Variants in SYT16 observed in about 807,000 individuals in gnomAD.
SYT16 encodes the protein synaptotagmin-16.
SYT16 carries 42 observed loss-of-function variants against 61.4 expected under a neutral mutation model. The ratio of observed to expected loss-of-function variants is 0.68; its 90% CI spans 0.53 to 0.89. The LOEUF is 0.89. SYT16 is among the 40% of genes least tolerant of loss of function. SYT16 has a pLI of 0.00. For missense variants in SYT16, 804 were observed against 807.3 expected (o/e 1.00, Z 0.05); for synonymous variants, 314 against 302.3 (o/e 1.04, Z -0.40).
At chr14:61,858,120 CA>C (rs34781118) in intron 1 of SYT16, among the ~76,000 whole-genome samples, 326 of 43,228 alleles carry the variant, frequency 7.5e-3, no homozygotes, top group African/African-American at 0.013. Context: ...CACAGCTTGG[CA>C]AAAAAAAAAA....
At chr14:61,935,255 T>C (rs1469227543) in intron 1 of SYT16, among the ~76,000 whole-genome samples, 1 of 152,184 alleles carries the variant, frequency 6.6e-6, no homozygotes, top group African/African-American at 2.4e-5. Context: ...CCTGCGGTGA[T>C]TGAAGCTGAT....
chr14:61,856,386 CTTATCTCCAATA>C (rs1293553465), intron 1 of SYT16, among the ~76,000 whole-genome samples: 1 of 152,174 alleles, frequency 6.6e-6, no homozygotes, highest in Non-Finnish European at 1.5e-5. Flanking sequence ...TATACACACA[CTTATCTCCAATA>C]TAATATTTTA....
chr14:61,860,804 G>A (rs1189215801), intron 1 of SYT16, among the ~76,000 whole-genome samples: 1 of 152,132 alleles, frequency 6.6e-6, no homozygotes, highest in Non-Finnish European at 1.5e-5. Flanking sequence ...TTTTTCTCCA[G>A]CCTTGTTTAG....
intron 1 of SYT16, among the ~76,000 whole-genome samples, chr14:61,950,805 G>A (rs899076578): frequency 5.9e-5 from 9 of 152,058 alleles, no homozygotes; most frequent in African/African-American, 2.2e-4. Flanking sequence ...GTCTTTTTTT[G>A]TAATTAAAAA....
intron 3 of SYT16, among the ~76,000 whole-genome samples, chr14:62,050,322 T>A (rs1437575803): frequency 6.6e-6 from 1 of 152,232 alleles, no homozygotes; most frequent in Admixed American, 6.5e-5. Flanking sequence ...TTCAGCTCCA[T>A]CAGGTCTTTT....
intron 3 of SYT16, among the ~76,000 whole-genome samples, chr14:62,063,513 T>C (rs563378004): frequency 1.3e-5 from 2 of 152,296 alleles, no homozygotes; most frequent in South Asian, 2.1e-4. Context: ...AGGAACTTGC[T>C]TAGGTCCCAG....
chr14:62,046,654 T>G (rs2055001331), intron 3 of SYT16, among the ~76,000 whole-genome samples: 2 of 152,246 alleles, frequency 1.3e-5, no homozygotes, highest in Non-Finnish European at 2.9e-5. Flanking sequence ...AGGGATCCAG[T>G]TTCAGCTTTC....
rs1555353030 is a variant in SYT16, at chr14:61,891,242, G to GCGCACA, written c.-325+78433_-325+78434insGCACAC. ...TGTGTGCACGTGCATACACACACGC[G>GCGCACA]CACACACACACACACACACACACAC... On this transcript the variant is annotated intron_variant, in intron 1 of 7. Transcript: ENST00000683842. Among the ~76,000 whole-genome samples, 580 of 147,894 alleles carry GCGCACA rather than the reference G, an allele frequency of 3.9e-3. 7 individuals are homozygous for GCGCACA. The highest frequency in any genetic ancestry group is 8.6e-3 in the African/African-American group (343 of 39,970).
intron 1 of SYT16, among the ~76,000 whole-genome samples, chr14:61,945,717 G>T (rs570193456): frequency 4.1e-4 from 63 of 152,068 alleles, no homozygotes; most frequent in African/African-American, 1.5e-3. Context: ...TTAGCCGGGC[G>T]TGGTGGCGGG....
rs367570950 is a variant in SYT16, at chr14:62,080,828, C to T, written c.994-6C>T. 1.6e-5 allele frequency: 25 copies of T among 1,585,538 alleles called. No individual in the cohort carries two copies. The Admixed American group carries it at 4.3e-4, about 27-fold the overall frequency. On this transcript the variant is annotated splice_region_variant and splice_polypyrimidine_tract_variant and intron_variant, in intron 5 of 7. Coordinates refer to ENST00000683842, the MANE Select transcript of SYT16 (RefSeq NM_001367656.1). ...CATTTCTAATTGTTTCCTCTGCCTG[C>T]AACAGGAACAGGACAGGACCAATTT... is the stretch of plus-strand genomic sequence containing the variant.
chr14:61,853,769 C>T (rs955980105), intron 1 of SYT16, among the ~76,000 whole-genome samples: 10 of 151,926 alleles, frequency 6.6e-5, no homozygotes, highest in Middle Eastern at 3.4e-3. Context: ...GGATAGGAAA[C>T]GGATGGGTTT....
At chr14:62,007,873 TAAA>T (rs1488195285) in intron 3 of SYT16, among the ~76,000 whole-genome samples, 1 of 151,828 alleles carries the variant, frequency 6.6e-6, no homozygotes, top group African/African-American at 2.4e-5. Flanking sequence ...TCTCAAGGAA[TAAA>T]AAAAATTTTC....
chr14:62,075,111 A>G (rs1295254867), intron 4 of SYT16, 24 bp from the exon 5 acceptor site: 4 of 1,579,900 alleles, frequency 2.5e-6, no homozygotes, highest in Middle Eastern at 3.4e-4. Context: ...TGCATTTGAA[A>G]TGGTTTTCTT....
chr14:62,058,386 C>A (rs1023219973), intron 3 of SYT16, among the ~76,000 whole-genome samples: 3 of 147,940 alleles, frequency 2.0e-5, no homozygotes, highest in Non-Finnish European at 4.5e-5. Context: ...GCTCTGTCAC[C>A]CAGCTCTGTC....
chr14:61,993,648 GA>G (rs1046388383), intron 2 of SYT16, among the ~76,000 whole-genome samples: 57 of 147,094 alleles, frequency 3.9e-4, no homozygotes, highest in South Asian at 1.3e-3. Context: ...TATTTGCAGA[GA>G]AAAAAAAAAC....
At chr14:61,854,527 C>A (rs1450648198) in intron 1 of SYT16, among the ~76,000 whole-genome samples, 2 of 152,174 alleles carry the variant, frequency 1.3e-5, no homozygotes, top group Non-Finnish European at 2.9e-5. Flanking sequence ...TTTGCTTGTG[C>A]CTTTCCTTTT....
intron 1 of SYT16, among the ~76,000 whole-genome samples, chr14:61,829,371 A>C (rs1393085052): frequency 6.6e-6 from 1 of 152,102 alleles, no homozygotes; most frequent in African/African-American, 2.4e-5. Context: ...TTTAATTATG[A>C]TATGTCTGGG....
chr14:62,027,471 C>T (rs2054146003), intron 3 of SYT16, among the ~76,000 whole-genome samples: 1 of 152,166 alleles, frequency 6.6e-6, no homozygotes, highest in African/African-American at 2.4e-5. Flanking sequence ...CTTTTACATC[C>T]AGACAGTATT....
At chr14:61,991,190 T>G (rs942077972) in intron 2 of SYT16, among the ~76,000 whole-genome samples, 7 of 152,106 alleles carry the variant, frequency 4.6e-5, no homozygotes, top group Non-Finnish European at 1.5e-5. Flanking sequence ...TCTTTTTTTG[T>G]TGTCTCATTT....
Sources: allele counts gnomAD v4.1 joint callset (sites outside exome capture counted in the v4.1 genomes callset), GRCh38; gene constraint gnomAD v4.1.1; transcripts MANE v1.5; gene names NCBI Gene and HGNC (gene_info 2026-07-23, HGNC 2026-07-21).